The following B4GALNT2 variants were observed in gnomAD, a reference collection of about 807,000 sequenced individuals.
B4GALNT2 encodes beta-1,4-N-acetyl-galactosaminyltransferase 2 (SID blood group).
Under a neutral mutation model 51.1 loss-of-function variants are expected in B4GALNT2, and 42 were observed. The ratio of observed to expected loss-of-function variants is 0.82; its 90% confidence interval spans 0.64 to 1.06. The LOEUF (loss-of-function observed/expected upper bound fraction) is 1.06. Ranked by LOEUF, B4GALNT2 falls within the 50% of genes least tolerant of loss-of-function variation. The pLI is 0.00. For missense variants in B4GALNT2, 602 were observed against 633.6 expected (o/e 0.95, Z 0.54); for synonymous variants, 253 against 251.7 (o/e 1.01, Z -0.05).
intron 5 of B4GALNT2, 41 bp from the exon 6 acceptor site, chr17:49,158,996 C>T: frequency 6.3e-7 from 1 of 1,592,996 alleles, no homozygotes; most frequent in Non-Finnish European, 8.6e-7. Context: ...AGATATTTTC[C>T]AATCCCTGCA....
chr17:49,135,802 G>A (rs895704032), intron 1 of B4GALNT2, among the ~76,000 whole-genome samples: 6 of 151,506 alleles, frequency 4.0e-5, no homozygotes, highest in African/African-American at 7.3e-5. Flanking sequence ...GGTGGCTCAC[G>A]CCTGTAATCC....
At chr17:49,161,384 A>G (rs918705280) in intron 7 of B4GALNT2, among the ~76,000 whole-genome samples, 3 of 152,046 alleles carry the variant, frequency 2.0e-5, no homozygotes, top group African/African-American at 7.2e-5. Context: ...AGCTATATGA[A>G]AGATAAAAAG....
intron 1 of B4GALNT2, among the ~76,000 whole-genome samples, chr17:49,134,394 A>G (rs2144265972): frequency 6.6e-6 from 1 of 152,206 alleles, no homozygotes; most frequent in Admixed American, 6.5e-5. Flanking sequence ...CCTCCTAGCT[A>G]TTTGAAACTA....
At chr17:49,120,998 A>G in the B4GALNT2 span, among the ~76,000 whole-genome samples, 1 of 152,136 alleles carries the variant, frequency 6.6e-6, no homozygotes, top group Non-Finnish European at 1.5e-5. Context: ...GATTATGACA[A>G]GCCTGGATAT....
At chr17:49,157,396 C>CCTCCCGAG in intron 5 of B4GALNT2, among the ~76,000 whole-genome samples, 1 of 109,258 alleles carries the variant, frequency 9.2e-6, no homozygotes, top group Non-Finnish European at 1.9e-5. Flanking sequence ...TCTCTGCTCA[C>CCTCCCGAG]TGCAACCTCC....
chr17:49,138,126 G>T (rs1040823321), intron 1 of B4GALNT2, among the ~76,000 whole-genome samples: 1 of 152,178 alleles, frequency 6.6e-6, no homozygotes, highest in Non-Finnish European at 1.5e-5. Context: ...CAAGTATTGG[G>T]CAGGCCATTT....
chr17:49,149,352 G>A (rs2042727728), intron 3 of B4GALNT2, among the ~76,000 whole-genome samples: 1 of 151,612 alleles, frequency 6.6e-6, no homozygotes, highest in Non-Finnish European at 1.5e-5. Context: ...TTTTCATTAA[G>A]ACATGTATAA....
the B4GALNT2 span, among the ~76,000 whole-genome samples, chr17:49,126,253 A>G: frequency 6.6e-6 from 1 of 152,076 alleles, no homozygotes; most frequent in African/African-American, 2.4e-5. Flanking sequence ...GGTTAAATGG[A>G]TTAAGGGCGG....
chr17:49,139,708 G>A (rs2042622669), intron 1 of B4GALNT2, among the ~76,000 whole-genome samples: 1 of 152,150 alleles, frequency 6.6e-6, no homozygotes, highest in South Asian at 2.1e-4. Flanking sequence ...TAGATACAGG[G>A]TCTTGTTTTG....
intron 1 of B4GALNT2, chr17:49,133,134 G>T (rs2042555835): frequency 2.0e-6 from 3 of 1,528,692 alleles, no homozygotes; most frequent in Non-Finnish European, 2.6e-6. Flanking sequence ...CGGGAGTGCG[G>T]GCTTCGGGGC....
At position 49,175,890 on chromosome 17, in the gene B4GALNT2, A is replaced by G. The variant is rs1405416059; in HGVS notation, c.*6162A>G. On this transcript the variant is annotated 3_prime_UTR_variant, in exon 11 of 11. Transcript: ENST00000393354. ...TCTTCAAAATAATGAGGGGGTGAAGAAGAGTAGGGACAAACCTCTTCCTCA... is the reference window on the plus strand; with the variant it reads ...TCTTCAAAATAATGAGGGGGTGAAGGAGAGTAGGGACAAACCTCTTCCTCA... The G allele has an allele frequency of 1.3e-5, 2 of 152,194 alleles. No homozygotes were observed. The highest frequency in any genetic ancestry group is 2.4e-5 in the African/African-American group (1 of 41,438). 9.4% of individuals were successfully genotyped at this position (152,194 alleles called of 1,614,324 possible).
At chr17:49,143,304 A>C (rs1483581350) in intron 3 of B4GALNT2, among the ~76,000 whole-genome samples, 3 of 151,966 alleles carry the variant, frequency 2.0e-5, no homozygotes, top group African/African-American at 7.3e-5. Flanking sequence ...ACAAAAACAA[A>C]AAAACAAAAA....
Position 49,170,469 on chromosome 17 carries a change from T to A in B4GALNT2, c.*741T>A, listed in dbSNP as rs2042950923. 2 of 152,262 alleles carry A rather than the reference T, an allele frequency of 1.3e-5. No individual in the cohort carries two copies. Among genetic ancestry groups the A allele is most frequent in the African/African-American group, 2.4e-5 (1 of 41,452 alleles). 9.4% of individuals were successfully genotyped at this position (152,262 alleles called of 1,614,324 possible). A position where few individuals can be genotyped will look rare whatever the true frequency, so the allele number is the denominator to read the frequency against. On this transcript the variant is annotated 3_prime_UTR_variant, in exon 11 of 11. Transcript: ENST00000393354. ...TGTTCCAGAATGCCAGGGATTGAAC[T>A]CAGAGCCCATGCCAAGGCATGATGG...
intron 3 of B4GALNT2, among the ~76,000 whole-genome samples, chr17:49,143,886 G>A (rs545490913): frequency 3.3e-5 from 5 of 152,238 alleles, no homozygotes; most frequent in South Asian, 2.1e-4. Context: ...GGTGGCTCAC[G>A]CCTGTAATTT....
In B4GALNT2 at chr17:49,159,334, GTTTGT is replaced by G. The variant is rs139717167; in HGVS notation, c.679+136_679+140del. On this transcript the variant is annotated intron_variant, in intron 6 of 10. Coordinates refer to ENST00000393354, the MANE Select transcript of B4GALNT2 (RefSeq NM_001159387.2). ...TGTTTTTTGTGTTTTGTGTGTGTTT[GTTTGT>G]TTTGTTTTGTTTTGTTTTTTGAGAC... The G allele has an allele frequency of 2.2e-3, 2,138 of 979,288 alleles. 32 individuals carry two copies. In the African/African-American group the frequency reaches 0.028, roughly 13 times the overall value. The allele number at this position is 979,288 out of a possible 1,614,324, so 60.7% of individuals were successfully genotyped here.
At chr17:49,147,071 C>T (rs1316072803) in intron 3 of B4GALNT2, among the ~76,000 whole-genome samples, 2 of 152,102 alleles carry the variant, frequency 1.3e-5, no homozygotes, top group African/African-American at 4.8e-5. Context: ...ATTTAGAGAC[C>T]ACATCTGTTA....
rs1384524615 is a variant in B4GALNT2 at position 49,172,650 on chromosome 17, T to C, written c.*2922T>C. On this transcript the variant is annotated 3_prime_UTR_variant, in exon 11 of 11. Coordinates refer to ENST00000393354, the MANE Select transcript of B4GALNT2 (RefSeq NM_001159387.2). ...TGAGAATTATATGGGATGCCAGTAA[T>C]GTGTTTAATATTCCATATAGAGAAA... The C allele has an allele frequency of 6.5e-6, 1 of 153,960 alleles. No homozygotes were observed. The highest frequency in any genetic ancestry group is 2.0e-4 in the South Asian group (1 of 4,906). The allele number at this position is 153,960 out of a possible 1,614,324, so 9.5% of individuals were successfully genotyped here.
At chr17:49,133,883 G>A in intron 1 of B4GALNT2, among the ~76,000 whole-genome samples, 1 of 152,184 alleles carries the variant, frequency 6.6e-6, no homozygotes, top group Non-Finnish European at 1.5e-5. Flanking sequence ...TTGCACTCCA[G>A]CCTGGGCGAC....
At chr17:49,132,859 A>G (rs2042551881) in intron 1 of B4GALNT2, 53 bp downstream of exon 1, 1 of 1,369,560 alleles carries the variant, frequency 7.3e-7, no homozygotes, top group East Asian at 3.1e-5. Flanking sequence ...GGGAGCAGGG[A>G]GCGCCGCGGG....
Sources: gnomAD v4.1 joint callset for allele counts (sites outside exome capture counted in the v4.1 genomes callset) on GRCh38, gnomAD v4.1.1 for gene constraint, MANE v1.5 for transcripts, NCBI Gene and HGNC (gene_info 2026-07-23, HGNC 2026-07-21) for gene names.